Variants in NIBAN2 observed in about 807,000 individuals in gnomAD.
NIBAN2 encodes protein Niban 2.
In NIBAN2, 36 loss-of-function variants were observed where a neutral mutation model predicts 81.8. The ratio of observed to expected loss-of-function variants is 0.44; its 90% CI spans 0.34 to 0.58. The LOEUF (loss-of-function observed/expected upper bound fraction) is 0.58. NIBAN2 is among the 20% of genes least tolerant of loss of function. NIBAN2 has a pLI of 0.02. For synonymous variants in NIBAN2, 445 were observed against 441.6 expected (o/e 1.01, Z -0.10); for missense variants, 897 against 1,014.1 (o/e 0.88, Z 1.57).
Position 127,527,178 on chromosome 9 carries a change from C to G in NIBAN2, c.315+16G>C. The G allele has an allele frequency of 6.2e-7, 1 of 1,611,458 alleles. No individual in the cohort carries two copies. The highest frequency in any genetic ancestry group is 1.3e-5 in the African/African-American group (1 of 74,976). ...AAGCGGGGAGGCTCAGTGTGGCGCC[C>G]GGGGCCAGGCCTCACCGCTTTGTTT... On this transcript the variant is annotated intron_variant, in intron 3 of 13. Coordinates refer to ENST00000373312, the MANE Select transcript of NIBAN2 (RefSeq NM_022833.4).
At chr9:127,516,785 T>C in intron 8 of NIBAN2, 72 bp downstream of exon 8, 2 of 1,450,854 alleles carry the variant, frequency 1.4e-6, no homozygotes, top group Non-Finnish European at 1.9e-6. Flanking sequence ...GAAATTTACA[T>C]GAATCATGAA....
intron 1 of NIBAN2, among the ~76,000 whole-genome samples, chr9:127,539,207 G>A (rs1404903072): frequency 6.6e-6 from 1 of 151,900 alleles, no homozygotes; most frequent in African/African-American, 2.4e-5. Context: ...GACACACAAC[G>A]GAGGGGAAAG....
rs1370441596 is a variant in NIBAN2, at chr9:127,507,221, AC to A, written c.1864del (p.Val622TrpfsTer131). The A allele has an allele frequency of 6.2e-7, 1 of 1,611,952 alleles. No individual in the cohort carries two copies. Among genetic ancestry groups the A allele is most frequent in the African/African-American group, 1.3e-5 (1 of 74,844 alleles). ...LSEKRRRAKQ[V>X]VSVVQDEEVG... ...CTCCTCATCCTGGACCACAGAGACC[AC>A]CTGCTTGGCGCGCCGTCGCTTTTCC... On this transcript the variant is annotated frameshift_variant, in exon 14 of 14. Transcript: ENST00000373312. LOFTEE classifies it low-confidence loss of function (END_TRUNC). This position sits in a 1 kb window ranked among gnomAD's most constrained non-coding sequence, Gnocchi z 6.8.
chr9:127,521,531 C>A (rs1836941466), intron 5 of NIBAN2, among the ~76,000 whole-genome samples: 1 of 152,192 alleles, frequency 6.6e-6, no homozygotes, highest in Non-Finnish European at 1.5e-5. Flanking sequence ...GGTGTCCGCC[C>A]AGTTGGCCTC....
At chr9:127,574,064 T>C (rs1413933518), upstream of NIBAN2, among the ~76,000 whole-genome samples, 2 of 152,210 alleles carry the variant, frequency 1.3e-5, no homozygotes, top group African/African-American at 4.8e-5. Context: ...CAAGGATTTC[T>C]GAAATCTGCA....
intron 3 of NIBAN2, among the ~76,000 whole-genome samples, chr9:127,526,303 G>A (rs1837061400): frequency 6.6e-6 from 1 of 151,602 alleles, no homozygotes; most frequent in Admixed American, 6.6e-5. Context: ...CTGAGGCTGA[G>A]GCAGGAGAAT....
intron 1 of NIBAN2, among the ~76,000 whole-genome samples, chr9:127,576,117 A>G (rs1467130150): frequency 3.3e-5 from 5 of 152,154 alleles, no homozygotes; most frequent in African/African-American, 1.2e-4. Context: ...GTCAGTCGCA[A>G]TGGGAGCTTG....
In NIBAN2 at chr9:127,517,401, G is replaced by A. The variant is rs1836854569; in HGVS notation, c.706-185C>T. ...CCACAGGTCCCAACTCATCTGCCTG[G>A]GTGTCCTGTAGGATCCTCAGACTCA... is the stretch of plus-strand genomic sequence containing the variant. On this transcript the variant is annotated intron_variant, in intron 6 of 13. Coordinates refer to ENST00000373312, the MANE Select transcript of NIBAN2 (RefSeq NM_022833.4). The surrounding 1 kb of genome is among the most constrained non-coding windows in gnomAD (Gnocchi z 4.0). Among the ~76,000 whole-genome samples, 1 of 152,138 alleles carries A rather than the reference G, an allele frequency of 6.6e-6. No individual in the cohort carries two copies. The highest frequency in any genetic ancestry group is 1.5e-5 in the Non-Finnish European group (1 of 68,022).
rs749267389 is a variant in NIBAN2 at position 127,523,661 on chromosome 9, C to T, written c.589+18G>A. 5.0e-6 allele frequency: 8 copies of T among 1,600,942 alleles called. No homozygotes were observed. The South Asian group carries it at 5.5e-5, about 11-fold the overall frequency. On this transcript the variant is annotated intron_variant, in intron 5 of 13. Transcript: ENST00000373312. ...CTGCCCCTCCCTCCCACCGACCCTGCACCCACAGGCCACTCACCATTGTTG... is the reference window on the plus strand; with the variant it reads ...CTGCCCCTCCCTCCCACCGACCCTGTACCCACAGGCCACTCACCATTGTTG...
intron 8 of NIBAN2, among the ~76,000 whole-genome samples, chr9:127,514,200 C>T (rs1313451516): frequency 1.4e-5 from 2 of 145,070 alleles, no homozygotes; most frequent in Non-Finnish European, 3.0e-5. Context: ...GCCTGGGAGG[C>T]AGGGGTTGCG....
At chr9:127,573,919 A>ACCC (rs1837977800), upstream of NIBAN2, among the ~76,000 whole-genome samples, 1 of 152,034 alleles carries the variant, frequency 6.6e-6, no homozygotes, top group East Asian at 1.9e-4. Context: ...TGGCCTCTCA[A>ACCC]AGTGCTGGGA....
intron 1 of NIBAN2, among the ~76,000 whole-genome samples, chr9:127,562,049 AAGG>A (rs986417477): frequency 2.6e-5 from 4 of 151,982 alleles, no homozygotes; most frequent in African/African-American, 9.7e-5. Flanking sequence ...GCCCGCGGGG[AAGG>A]AGGAGGGGGG....
In NIBAN2 at chr9:127,563,294, C is replaced by G. The variant is rs1285805516; in HGVS notation, c.55+5526G>C. On this transcript the variant is annotated intron_variant, in intron 1 of 13. Transcript: ENST00000373312. The surrounding 1 kb of genome is among the most constrained non-coding windows in gnomAD (Gnocchi z 4.1). ...CAACAAAAGCATGTTATATAAGACC[C>G]AACAGAGAGACAGCATCATCCCCAG... Among the ~76,000 whole-genome samples, 1 of 152,204 alleles carries G rather than the reference C, an allele frequency of 6.6e-6. No individual in the cohort carries two copies. Among genetic ancestry groups the G allele is most frequent in the Non-Finnish European group, 1.5e-5 (1 of 68,036 alleles).
chr9:127,540,660 C>T (rs1020153680), intron 1 of NIBAN2, among the ~76,000 whole-genome samples: 10 of 152,332 alleles, frequency 6.6e-5, no homozygotes, highest in East Asian at 3.9e-4. Flanking sequence ...ACCCTGGTCC[C>T]GACCTGATGC....
chr9:127,577,231 C>T (rs963823819), intron 1 of NIBAN2, among the ~76,000 whole-genome samples: 2 of 151,984 alleles, frequency 1.3e-5, no homozygotes, highest in African/African-American at 4.8e-5. Flanking sequence ...TCACTTGAAC[C>T]AGAGAGGCAG....
chr9:127,510,116 A>AC (rs1365062028), intron 9 of NIBAN2, 30 bp downstream of exon 9: 3 of 1,580,820 alleles, frequency 1.9e-6, no homozygotes, highest in Non-Finnish European at 2.6e-6. Flanking sequence ...CTCTCAGGAG[A>AC]CCCCCTCCTA....
Position 127,507,325 on chromosome 9 carries a change from G to A in NIBAN2, c.1761C>T (p.Ile587=), listed in dbSNP as rs762503392. ...NLHLLAEGAP[I]DWGEEYSNSG... is the part of the protein sequence containing the mutation. ...TGTTGCTGTACTCCTCGCCCCAGTCGATGGGGGCGCCCTCGGCCAGCAGGT... is the reference window on the plus strand; with the variant it reads ...TGTTGCTGTACTCCTCGCCCCAGTCAATGGGGGCGCCCTCGGCCAGCAGGT... Residue 587 remains isoleucine (I), a synonymous_variant, in exon 14 of 14, where the codon ATC becomes ATT. Transcript: ENST00000373312. The surrounding 1 kb of genome is among the most constrained non-coding windows in gnomAD (Gnocchi z 6.8). 5.7e-6 allele frequency: 9 copies of A among 1,567,334 alleles called. No homozygotes were observed. Among genetic ancestry groups the A allele is most frequent in the South Asian group, 1.2e-5 (1 of 86,612 alleles).
chr9:127,520,997 G>A (rs1040760304), intron 5 of NIBAN2, among the ~76,000 whole-genome samples: 2 of 152,182 alleles, frequency 1.3e-5, no homozygotes, highest in East Asian at 1.9e-4. Context: ...GAAGGCGGCC[G>A]GCCACCAGCC....
At chr9:127,546,365 G>A (rs1239261240) in intron 1 of NIBAN2, among the ~76,000 whole-genome samples, 1 of 152,200 alleles carries the variant, frequency 6.6e-6, no homozygotes, top group Non-Finnish European at 1.5e-5. Context: ...CAGGGCCGAG[G>A]CTGGACTGGG....
Sources: gnomAD v4.1 joint callset for allele counts (sites outside exome capture counted in the v4.1 genomes callset) on GRCh38, gnomAD v4.1.1 for gene constraint, Gnocchi (gnomAD v3.1) non-coding constraint, MANE v1.5 for transcripts, NCBI Gene and HGNC (gene_info 2026-07-23, HGNC 2026-07-21) for gene names.